OCA2: variants seen among roughly 807,000 people sequenced by gnomAD.
The protein encoded by OCA2 is OCA2 melanosomal transmembrane protein, also known as P protein.
OCA2 carries 77 observed loss-of-function variants against 100.2 expected under a neutral mutation model. The ratio of observed to expected loss-of-function variants is 0.77; its 90% CI spans 0.64 to 0.93. The LOEUF (loss-of-function observed/expected upper bound fraction) is 0.93. OCA2 is among the 40% of genes least tolerant of loss of function. The probability of loss-of-function intolerance (pLI) is 0.00; values close to 1 mark genes in which losing one functional copy is unlikely to be tolerated. For synonymous variants in OCA2, 432 were observed against 439.2 expected (o/e 0.98, Z 0.21); for missense variants, 1,062 against 1,089.1 (o/e 0.98, Z 0.35).
downstream of OCA2, among the ~76,000 whole-genome samples, chr15:27,753,826 G>A (rs1421717727): frequency 6.6e-6 from 1 of 152,108 alleles, no homozygotes; most frequent in Non-Finnish European, 1.5e-5. Flanking sequence ...ACGAGGAGAG[G>A]CAGTGGGTGG....
At chr15:27,942,073 C>T (rs1245306688) in intron 18 of OCA2, among the ~76,000 whole-genome samples, 1 of 152,012 alleles carries the variant, frequency 6.6e-6, no homozygotes, top group African/African-American at 2.4e-5. Flanking sequence ...TGTAAAGGTG[C>T]ATCTGCTCTG....
intron 23 of OCA2, among the ~76,000 whole-genome samples, chr15:27,756,950 GCATCAC>G (rs2030426207): frequency 6.6e-6 from 1 of 152,168 alleles, no homozygotes. Flanking sequence ...GCATCACCTA[GCATCAC>G]CAAACATTTT....
At chr15:27,990,831 G>A (rs775243795) in intron 9 of OCA2, among the ~76,000 whole-genome samples, 184 bp from the exon 10 acceptor site, 4 of 152,172 alleles carry the variant, frequency 2.6e-5, no homozygotes, top group African/African-American at 4.8e-5. Flanking sequence ...TACCACCAAC[G>A]TGCCATCTAA....
rs1203553736 is a variant in OCA2 at position 28,041,323 on chromosome 15, A to T, written c.228-9160T>A. On this transcript the variant is annotated intron_variant, in intron 2 of 23. Transcript: ENST00000354638. ...AAAGTTCAACACCCTTTCATGATTA[A>T]AAAAAAAAAAAATGCACACCCTCAG... is the stretch of plus-strand genomic sequence containing the variant. Among the ~76,000 whole-genome samples, 6 of 55,172 alleles carry T rather than the reference A, an allele frequency of 1.1e-4. No individual in the cohort carries two copies. The African/African-American group carries it at 4.6e-3, about 42-fold the overall frequency. The allele number at this position is 55,172 out of a possible 152,430, so 36.2% of individuals were successfully genotyped here. A position where few individuals can be genotyped will look rare whatever the true frequency, so the allele number is the denominator to read the frequency against.
At chr15:28,031,679 T>C (rs1006581668) in intron 3 of OCA2, among the ~76,000 whole-genome samples, 2 of 152,208 alleles carry the variant, frequency 1.3e-5, no homozygotes, top group African/African-American at 4.8e-5. Context: ...CATTGCAGAA[T>C]GTTTGGAGCA....
intron 2 of OCA2, among the ~76,000 whole-genome samples, chr15:28,054,349 G>A (rs2043620714): frequency 6.6e-6 from 1 of 152,176 alleles, no homozygotes; most frequent in Non-Finnish European, 1.5e-5. Flanking sequence ...TTATGTGTGT[G>A]CATAGCTATG....
At chr15:28,023,557 G>A (rs1022892184) in intron 5 of OCA2, among the ~76,000 whole-genome samples, 4 of 151,790 alleles carry the variant, frequency 2.6e-5, no homozygotes, top group Admixed American at 6.6e-5. Flanking sequence ...GGCAGGCTGC[G>A]TGGGAGAGCA....
downstream of OCA2, among the ~76,000 whole-genome samples, chr15:27,753,499 C>T (rs779231076): frequency 2.0e-5 from 3 of 151,940 alleles, no homozygotes; most frequent in Non-Finnish European, 2.9e-5. Context: ...TTTGGGAGGC[C>T]GAGTCGGGTG....
rs1372016132 is a variant in OCA2 at position 28,043,509 on chromosome 15, G to T, written c.228-11346C>A. 6.6e-6 allele frequency among the ~76,000 whole-genome samples: 1 copy of T among 152,182 alleles called. No individual in the cohort carries two copies. Among genetic ancestry groups the T allele is most frequent in the Non-Finnish European group, 1.5e-5 (1 of 68,038 alleles). ...GTAAAACAGAACATTCGATCCTTGG[G>T]CTTAAGTAATTCCTCAGACATAAGG... On this transcript the variant is annotated intron_variant, in intron 2 of 23. Coordinates refer to ENST00000354638, the MANE Select transcript of OCA2 (RefSeq NM_000275.3). The surrounding 1 kb of genome is among the most constrained non-coding windows in gnomAD (Gnocchi z 4.4).
the OCA2 span, among the ~76,000 whole-genome samples, chr15:27,728,754 C>A: frequency 6.6e-6 from 1 of 152,182 alleles, no homozygotes; most frequent in African/African-American, 2.4e-5. Flanking sequence ...CCTTTCTTTA[C>A]CCCGTCAAAG....
chr15:28,033,712 G>A (rs76935048), intron 2 of OCA2, among the ~76,000 whole-genome samples: 43 of 152,300 alleles, frequency 2.8e-4, no homozygotes, highest in East Asian at 2.7e-3. Flanking sequence ...GATGAAGGTA[G>A]AGAGATTTGG....
At chr15:27,852,256 C>A (rs1271800442) in intron 21 of OCA2, among the ~76,000 whole-genome samples, 3 of 152,162 alleles carry the variant, frequency 2.0e-5, no homozygotes, top group Non-Finnish European at 4.4e-5. Flanking sequence ...AGGAAGGGAT[C>A]CAGTTTCAGC....
At chr15:27,946,756 T>C (rs1460569769) in intron 18 of OCA2, among the ~76,000 whole-genome samples, 3 of 152,192 alleles carry the variant, frequency 2.0e-5, no homozygotes, top group Non-Finnish European at 4.4e-5. Flanking sequence ...CCAAAGACAC[T>C]AGAATCTTTC....
the OCA2 span, among the ~76,000 whole-genome samples, chr15:27,739,319 T>A: frequency 6.6e-6 from 1 of 152,118 alleles, no homozygotes; most frequent in Non-Finnish European, 1.5e-5. Context: ...ACCCTGTCTT[T>A]ATAAGGGATA....
intron 11 of OCA2, among the ~76,000 whole-genome samples, chr15:27,987,668 G>A (rs2041406897): frequency 6.6e-6 from 1 of 151,990 alleles, no homozygotes; most frequent in South Asian, 2.1e-4. Context: ...CGGGGAGCTT[G>A]CAGTGAGCCA....
chr15:28,001,258 A>G (rs542745932), intron 9 of OCA2, among the ~76,000 whole-genome samples: 85 of 150,316 alleles, frequency 5.7e-4, no homozygotes, highest in African/African-American at 2.0e-3. Context: ...TATACATACA[A>G]ACACACACAC....
intron 23 of OCA2, among the ~76,000 whole-genome samples, chr15:27,782,208 C>A (rs62001334): frequency 1.4e-4 from 21 of 152,144 alleles, no homozygotes; most frequent in Non-Finnish European, 2.4e-4. Context: ...ATTTGTAAAG[C>A]AATTAAAGCT....
intron 21 of OCA2, among the ~76,000 whole-genome samples, chr15:27,867,645 C>T (rs533966411): frequency 2.4e-3 from 372 of 152,082 alleles, no homozygotes; most frequent in Non-Finnish European, 3.7e-3. Context: ...AATGCAAAAA[C>T]GTGCTGAAGT....
intron 6 of OCA2, among the ~76,000 whole-genome samples, chr15:28,018,826 A>G (rs1203637969): frequency 6.6e-6 from 1 of 152,088 alleles, no homozygotes; most frequent in Non-Finnish European, 1.5e-5. Flanking sequence ...CCTTAGCTCC[A>G]AAGATGGAGG....
Sources: allele counts gnomAD v4.1 joint callset (sites outside exome capture counted in the v4.1 genomes callset), GRCh38; gene constraint gnomAD v4.1.1; non-coding constraint Gnocchi (gnomAD v3.1); transcripts MANE v1.5; gene names NCBI Gene and HGNC (gene_info 2026-07-23, HGNC 2026-07-21).